Variants in ST18 observed in about 807,000 individuals in gnomAD.
ST18 encodes the protein suppression of tumorigenicity 18 protein.
A neutral mutation model predicts 110.0 loss-of-function variants in ST18; 50 were observed. That is an observed-to-expected ratio of 0.45 (90% CI 0.36 to 0.58). The LOEUF (loss-of-function observed/expected upper bound fraction) is 0.58. Ranked by LOEUF, ST18 falls within the 20% of genes least tolerant of loss-of-function variation. ST18 has a pLI of 0.00. For synonymous variants in ST18, 461 were observed against 452.4 expected (o/e 1.02, Z -0.24); for missense variants, 1,306 against 1,280.1 (o/e 1.02, Z -0.31).
At chr8:52,409,844 T>G (rs773095834), upstream of ST18, 1 of 152,280 alleles carries the variant, frequency 6.6e-6, no homozygotes, top group Admixed American at 6.5e-5. Context: ...AGAACTCATT[T>G]CAAAACTCTT....
intron 2 of ST18, among the ~76,000 whole-genome samples, chr8:52,284,928 TCTGTCCACATCAGAA>T (rs2095443833): frequency 6.6e-6 from 1 of 152,200 alleles, no homozygotes; most frequent in Non-Finnish European, 1.5e-5. Flanking sequence ...CCTTCTATAT[TCTGTCCACATCAGAA>T]GGCACAATTA....
At chr8:52,325,154 AAGG>A (rs748775811) in intron 2 of ST18, among the ~76,000 whole-genome samples, 18 of 152,188 alleles carry the variant, frequency 1.2e-4, no homozygotes, top group Non-Finnish European at 2.1e-4. Flanking sequence ...GGAGGGAAAC[AAGG>A]AGAAGGTAAT....
intron 2 of ST18, among the ~76,000 whole-genome samples, chr8:52,380,649 C>G (rs1296384238): frequency 2.6e-5 from 4 of 152,096 alleles, no homozygotes; most frequent in Non-Finnish European, 5.9e-5. Context: ...ATATGATATA[C>G]TATCCAGTGT....
intron 17 of ST18, among the ~76,000 whole-genome samples, chr8:52,141,370 T>G (rs1041813545): frequency 6.6e-6 from 1 of 152,110 alleles, no homozygotes; most frequent in Admixed American, 6.5e-5. Flanking sequence ...CAGTGCATAT[T>G]ATGCACCAAT....
At chr8:52,193,396 C>T (rs2075202156) in intron 8 of ST18, among the ~76,000 whole-genome samples, 1 of 152,194 alleles carries the variant, frequency 6.6e-6, no homozygotes, top group Non-Finnish European at 1.5e-5. Flanking sequence ...AGCCATTTAA[C>T]CCAAAGTCCC....
intron 23 of ST18, among the ~76,000 whole-genome samples, chr8:52,122,782 G>A (rs1005292506): frequency 1.9e-4 from 29 of 151,926 alleles, no homozygotes; most frequent in African/African-American, 7.3e-5. Flanking sequence ...CACCGTGCCC[G>A]GCCGAACTTT....
chr8:52,132,251 C>T (rs1231768620), intron 21 of ST18, 72 bp from the exon 22 acceptor site: 12 of 1,308,650 alleles, frequency 9.2e-6, no homozygotes, highest in Non-Finnish European at 1.2e-5. Flanking sequence ...AGAGAACAAA[C>T]CATGCAATTA....
chr8:52,330,448 C>T (rs1808724675), intron 2 of ST18, among the ~76,000 whole-genome samples: 1 of 152,184 alleles, frequency 6.6e-6, no homozygotes, highest in African/African-American at 2.4e-5. Flanking sequence ...AAAGCCTAAC[C>T]AGAACTCCGA....
chr8:52,223,615 G>T (rs893094646), intron 3 of ST18, among the ~76,000 whole-genome samples: 3 of 150,138 alleles, frequency 2.0e-5, no homozygotes, highest in African/African-American at 7.4e-5. Flanking sequence ...CTACACTCCA[G>T]CCTGAGCAAC....
chr8:52,125,242 A>G (rs1485622136), intron 23 of ST18, among the ~76,000 whole-genome samples: 1 of 152,198 alleles, frequency 6.6e-6, no homozygotes, highest in East Asian at 1.9e-4. Flanking sequence ...GTAGGTAAAG[A>G]TCTGGATGCT....
chr8:52,377,821 T>C (rs556016939), intron 2 of ST18, among the ~76,000 whole-genome samples: 1 of 152,248 alleles, frequency 6.6e-6, no homozygotes, highest in Non-Finnish European at 1.5e-5. Context: ...TGCAGCACTA[T>C]TCACAATAGC....
intron 17 of ST18, among the ~76,000 whole-genome samples, chr8:52,140,196 C>A (rs1048731355): frequency 1.3e-5 from 2 of 152,124 alleles, no homozygotes; most frequent in Non-Finnish European, 2.9e-5. Flanking sequence ...CAGACACATG[C>A]AAATAAGTGA....
intron 8 of ST18, among the ~76,000 whole-genome samples, chr8:52,208,829 A>G (rs1039801371): frequency 1.2e-4 from 18 of 152,064 alleles, no homozygotes; most frequent in African/African-American, 4.3e-4. Flanking sequence ...ATAAATAAAT[A>G]AATAAATAAA....
intron 8 of ST18, 75 bp downstream of exon 8, chr8:52,212,004 G>T: frequency 1.3e-6 from 2 of 1,493,520 alleles, no homozygotes; most frequent in Non-Finnish European, 1.8e-6. Flanking sequence ...GTATTCTGAG[G>T]CTTGAAAAGT....
intron 2 of ST18, among the ~76,000 whole-genome samples, chr8:52,402,489 GGCAC>G (rs1333635797): frequency 6.6e-6 from 1 of 152,106 alleles, no homozygotes; most frequent in African/African-American, 2.4e-5. Context: ...TGGAGATCAG[GGCAC>G]AGCATTGACA....
chr8:52,329,759 TA>T (rs950281266), intron 2 of ST18, among the ~76,000 whole-genome samples: 1 of 150,260 alleles, frequency 6.7e-6, no homozygotes, highest in Non-Finnish European at 1.5e-5. Flanking sequence ...AGGCTCTGTC[TA>T]AAAAAAAAGA....
At chr8:52,194,082 T>C (rs928233881) in intron 8 of ST18, among the ~76,000 whole-genome samples, 3 of 152,260 alleles carry the variant, frequency 2.0e-5, no homozygotes, top group Non-Finnish European at 4.4e-5. Context: ...ATGCTTTTTT[T>C]TCTCATTTAG....
In ST18 at chr8:52,166,887, G is replaced by A. The variant is rs1182804514; in HGVS notation, c.1169C>T (p.Ser390Leu). ...AACCCGCACTTTGTGGGGGCACCCC[G>A]AAAGGCTGCGGTGGTGCGGGTAGAG... Reference protein sequence around the residue: ...TGLYPHHRSLSGCPHKVRVPL... With the variant: ...TGLYPHHRSLLGCPHKVRVPL... The change falls in exon 11 of 26, where the codon TCG (serine) becomes TTG (leucine). Residue 390 changes from serine to leucine, a missense_variant. By Grantham distance (145) the Ser-to-Leu change is moderately radical (BLOSUM62 -2). Coordinates refer to ENST00000689386, the MANE Select transcript of ST18 (RefSeq NM_001352837.2). 3.7e-6 allele frequency: 6 copies of A among 1,603,102 alleles called. No individual in the cohort carries two copies. In the African/African-American group the frequency reaches 4.0e-5, roughly 11 times the overall value.
intron 2 of ST18, among the ~76,000 whole-genome samples, chr8:52,402,303 TG>T (rs1843030866): frequency 6.6e-6 from 1 of 152,142 alleles, no homozygotes; most frequent in African/African-American, 2.4e-5. Context: ...GCTGTAGAAC[TG>T]GGGTCCTGGG....
Sources: allele counts gnomAD v4.1 joint callset (sites outside exome capture counted in the v4.1 genomes callset), GRCh38; gene constraint gnomAD v4.1.1; transcripts MANE v1.5; gene names NCBI Gene and HGNC (gene_info 2026-07-23, HGNC 2026-07-21).